Variants in PCDHA5 observed in about 807,000 individuals in gnomAD.
PCDHA5 encodes the protein protocadherin alpha 5.
Under a neutral mutation model 61.6 loss-of-function variants are expected in PCDHA5, and 43 were observed. That is an observed-to-expected ratio of 0.70 (90% CI 0.55 to 0.90). The LOEUF (loss-of-function observed/expected upper bound fraction) is 0.90. Among genes scored for constraint, PCDHA5 ranks in the 40% least tolerant of loss-of-function variants. The pLI, the probability that PCDHA5 is intolerant of heterozygous loss-of-function variation, is 0.00. For missense variants in PCDHA5, 1,298 were observed against 1,222.7 expected (o/e 1.06, Z -0.92); for synonymous variants, 627 against 543.9 (o/e 1.15, Z -2.13).
chr5:140,916,979 G>A (rs1280720524), intron 1 of PCDHA5, among the ~76,000 whole-genome samples: 1 of 152,144 alleles, frequency 6.6e-6, no homozygotes, highest in African/African-American at 2.4e-5. Flanking sequence ...TGAGTGATTC[G>A]CCTCTGGCCA....
At chr5:140,870,438 C>A in intron 1 of PCDHA5, 1 of 1,614,178 alleles carries the variant, frequency 6.2e-7, no homozygotes, top group Non-Finnish European at 8.5e-7. Context: ...TGGAGGTGGC[C>A]GACGTGAACG....
intron 1 of PCDHA5, among the ~76,000 whole-genome samples, chr5:140,895,253 C>A (rs2153449431): frequency 6.6e-6 from 1 of 152,084 alleles, no homozygotes; most frequent in East Asian, 1.9e-4. Context: ...TCAAAGCTTT[C>A]TTTTTTTTCT....
intron 3 of PCDHA5, among the ~76,000 whole-genome samples, chr5:141,007,673 A>C (rs2098339698): frequency 6.6e-6 from 1 of 152,136 alleles, no homozygotes; most frequent in African/African-American, 2.4e-5. Flanking sequence ...ACAAAGACAA[A>C]AGTTATCCTA....
chr5:140,876,120 T>C (rs782687154), intron 1 of PCDHA5: 15 of 1,613,844 alleles, frequency 9.3e-6, no homozygotes, highest in East Asian at 6.7e-5. Context: ...TGGTAATCGA[T>C]GGCGGTAAAC....
At position 141,011,939 on chromosome 5, in the gene PCDHA5, A is replaced by T. The variant is rs955936849; in HGVS notation, c.*2002A>T. 5 of 153,690 alleles carry T rather than the reference A, an allele frequency of 3.3e-5. No individual in the cohort carries two copies. The highest frequency in any genetic ancestry group is 1.2e-4 in the African/African-American group (5 of 41,448). The allele number at this position is 153,690 out of a possible 1,614,324, so 9.5% of individuals were successfully genotyped here. A position where few individuals can be genotyped will look rare whatever the true frequency, so the allele number is the denominator to read the frequency against. On this transcript the variant is annotated 3_prime_UTR_variant, in exon 4 of 4. Coordinates refer to ENST00000529859, the MANE Select transcript of PCDHA5 (RefSeq NM_018908.3). ...TAAAAGAGGTAGGAGTCTGTTATTT[A>T]AAAAAAGCATTAAATTTAAAAAAAA...
chr5:141,001,706 C>T (rs2098033561), intron 3 of PCDHA5, among the ~76,000 whole-genome samples: 1 of 151,850 alleles, frequency 6.6e-6, no homozygotes, highest in African/African-American at 2.4e-5. Flanking sequence ...AAATAGGGGG[C>T]GGGGAAGGAG....
At chr5:140,845,675 A>G (rs2150380480) in intron 1 of PCDHA5, among the ~76,000 whole-genome samples, 6 of 149,762 alleles carry the variant, frequency 4.0e-5, no homozygotes, top group African/African-American at 7.3e-5. Context: ...AGCCATTGGT[A>G]AAGGATTTGT....
intron 1 of PCDHA5, among the ~76,000 whole-genome samples, chr5:140,917,740 C>T (rs1257665291): frequency 6.6e-6 from 1 of 152,090 alleles, no homozygotes; most frequent in Non-Finnish European, 1.5e-5. Context: ...TCTAACCTGT[C>T]CCATTGGTCT....
At chr5:140,875,264 C>CTACA in intron 1 of PCDHA5, 1 of 1,189,324 alleles carries the variant, frequency 8.4e-7, no homozygotes, top group Non-Finnish European at 1.1e-6. Context: ...TGATGTCGCT[C>CTACA]TACACTCAGA....
intron 1 of PCDHA5, chr5:140,882,819 A>G: frequency 6.2e-7 from 1 of 1,614,244 alleles, no homozygotes; most frequent in Non-Finnish European, 8.5e-7. Flanking sequence ...GACGCACAAA[A>G]CAGTCTTGAG....
chr5:140,839,671 C>G (rs1194956449), intron 1 of PCDHA5, among the ~76,000 whole-genome samples: 1 of 152,028 alleles, frequency 6.6e-6, no homozygotes, highest in African/African-American at 2.4e-5. Context: ...TATTTAGAGT[C>G]AACTACAGAG....
intron 1 of PCDHA5, among the ~76,000 whole-genome samples, chr5:140,921,801 A>T (rs1450383901): frequency 6.6e-6 from 1 of 152,286 alleles, no homozygotes. Context: ...ATAACACAAG[A>T]TAAGATACAT....
At chr5:140,850,239 C>T (rs1275916187) in intron 1 of PCDHA5, 1 of 1,594,010 alleles carries the variant, frequency 6.3e-7, no homozygotes, top group Admixed American at 1.7e-5. Context: ...CGAGATGGTG[C>T]TGCGGTCGGT....
chr5:140,847,580 C>G (rs1350641732), intron 1 of PCDHA5: 2 of 149,008 alleles, frequency 1.3e-5, no homozygotes, highest in African/African-American at 4.9e-5. Flanking sequence ...TAAGGATGAG[C>G]AATAATGAAA....
chr5:140,834,258 C>T, intron 1 of PCDHA5: 2 of 940,106 alleles, frequency 2.1e-6, no homozygotes, highest in Non-Finnish European at 3.2e-6. Context: ...AAAGACGCTC[C>T]ACTCTCTTTC....
intron 1 of PCDHA5, chr5:140,966,522 G>C (rs1350046535): frequency 2.3e-6 from 1 of 437,158 alleles, no homozygotes; most frequent in Non-Finnish European, 4.0e-6. Context: ...GCAGGAAGCC[G>C]AGCCGGGTTG....
Position 140,932,319 on chromosome 5 carries a change from G to A in PCDHA5, c.2353-46630G>A, listed in dbSNP as rs60286116. Among the ~76,000 whole-genome samples the A allele has an allele frequency of 3.3e-3, 499 of 151,902 alleles. 2 individuals are homozygous for A. The highest frequency in any genetic ancestry group is 0.012 in the African/African-American group (480 of 41,512). ...TTTTTAAAGGTATAAATATATTAATGTAGCAAAAATGCATGAAACACTTAC... is the reference window on the plus strand; with the variant it reads ...TTTTTAAAGGTATAAATATATTAATATAGCAAAAATGCATGAAACACTTAC... On this transcript the variant is annotated intron_variant, in intron 1 of 3. Transcript: ENST00000529859.
chr5:140,952,006 T>C (rs2094672029), intron 1 of PCDHA5, among the ~76,000 whole-genome samples: 1 of 152,184 alleles, frequency 6.6e-6, no homozygotes, highest in African/African-American at 2.4e-5. Context: ...GAAAGAATTA[T>C]AGGCCCCATG....
intron 1 of PCDHA5, chr5:140,928,909 C>T (rs1364728842): frequency 1.6e-5 from 26 of 1,614,034 alleles, no homozygotes; most frequent in Non-Finnish European, 2.1e-5. Flanking sequence ...TGTCTGGGAA[C>T]CAGGAGGGCA....
Sources: allele counts gnomAD v4.1 joint callset (sites outside exome capture counted in the v4.1 genomes callset), GRCh38; gene constraint gnomAD v4.1.1; transcripts MANE v1.5; gene names NCBI Gene and HGNC (gene_info 2026-07-23, HGNC 2026-07-21).